ACER3: variants seen among roughly 807,000 people sequenced by gnomAD.
The protein encoded by ACER3 is alkCDase 3.
A neutral mutation model predicts 48.9 loss-of-function variants in ACER3; 16 were observed. That is an observed-to-expected ratio of 0.33 (90% CI 0.22 to 0.50). The LOEUF is 0.50. ACER3 is among the 20% of genes least tolerant of loss of function. The pLI is 0.98. For synonymous variants in ACER3, 109 were observed against 107.8 expected, an observed-to-expected ratio of 1.01 and a Z score of -0.07; for missense variants, 227 against 326.0, an observed-to-expected ratio of 0.70 and a Z score of 2.34.
intron 7 of ACER3, among the ~76,000 whole-genome samples, chr11:77,012,764 CT>C (rs1565228245): frequency 6.6e-6 from 1 of 152,100 alleles, no homozygotes; most frequent in Admixed American, 6.6e-5. Context: ...GTTCTGCAGG[CT>C]TTTTAGTAAA....
At chr11:76,997,976 T>C (rs1295367870) in intron 6 of ACER3, among the ~76,000 whole-genome samples, 2 of 152,172 alleles carry the variant, frequency 1.3e-5, no homozygotes. Flanking sequence ...AAAACAATGT[T>C]TATAATACAA....
chr11:76,868,315 C>A, intron 1 of ACER3: 1 of 1,255,906 alleles, frequency 8.0e-7, no homozygotes, highest in Non-Finnish European at 1.0e-6. Context: ...CATAAGTCAA[C>A]TGAAGAATGA....
chr11:77,020,566 A>G lies in ACER3; in HGVS notation c.*239A>G. The G allele has an allele frequency of 6.1e-6, 3 of 491,928 alleles. No homozygotes were observed. Among genetic ancestry groups the G allele is most frequent in the East Asian group, 3.6e-5 (1 of 28,120 alleles). 30.5% of individuals were successfully genotyped at this position (491,928 alleles called of 1,614,324 possible). ...TTCACGCTCCAGTTTATAAAGAAACAGAGATGATGTGTGTGTATGCCTCAA... is the reference window on the plus strand; with the variant it reads ...TTCACGCTCCAGTTTATAAAGAAACGGAGATGATGTGTGTGTATGCCTCAA... On this transcript the variant is annotated 3_prime_UTR_variant, in exon 11 of 11. Transcript: ENST00000532485.
At chr11:76,946,435 G>A (rs757768332) in intron 2 of ACER3, among the ~76,000 whole-genome samples, 1 of 152,030 alleles carries the variant, frequency 6.6e-6, no homozygotes, top group African/African-American at 2.4e-5. Context: ...GGAGAGCTTA[G>A]TTTCTCTGTC....
chr11:77,005,993 T>TATATATATATACATATATATATATA lies in ACER3; in HGVS notation c.497+7172_497+7173insATATATATATACATATATATATATA, dbSNP rs1565224912. Among the ~76,000 whole-genome samples the TATATATATATACATATATATATATA allele has an allele frequency of 6.8e-4, 60 of 87,918 alleles. 1 individual carries two copies. The highest frequency in any genetic ancestry group is 2.3e-3 in the South Asian group (6 of 2,666). The allele number at this position is 87,918 out of a possible 152,430, so 57.7% of individuals were successfully genotyped here. ...TATACATATATATATATATATATAT[T>TATATATATATACATATATATATATA]TTTTTTTTTTTTTGAGCCAGAGTTT... On this transcript the variant is annotated intron_variant, in intron 7 of 10. Transcript: ENST00000532485.
At chr11:76,970,583 C>T (rs1174257778) in intron 3 of ACER3, among the ~76,000 whole-genome samples, 1 of 151,886 alleles carries the variant, frequency 6.6e-6, no homozygotes, top group Non-Finnish European at 1.5e-5. Context: ...TATTGAGACA[C>T]TTAAAAAAAT....
intron 2 of ACER3, among the ~76,000 whole-genome samples, chr11:76,933,134 T>A (rs1008244005): frequency 1.4e-5 from 2 of 147,388 alleles, no homozygotes; most frequent in Admixed American, 6.8e-5. Flanking sequence ...CACATCAACC[T>A]CTTCTCCCTT....
At chr11:76,945,494 G>A (rs1312269009) in intron 2 of ACER3, among the ~76,000 whole-genome samples, 1 of 152,172 alleles carries the variant, frequency 6.6e-6, no homozygotes, top group African/African-American at 2.4e-5. Flanking sequence ...AGTGGTATCT[G>A]TTATTTCCTC....
chr11:76,935,156 G>A (rs1490834488), intron 2 of ACER3, among the ~76,000 whole-genome samples: 1 of 151,896 alleles, frequency 6.6e-6, no homozygotes, highest in East Asian at 1.9e-4. Flanking sequence ...TTTAATAGGG[G>A]CTGTTGTAGA....
At chr11:76,915,585 G>A (rs1946505977) in intron 1 of ACER3, among the ~76,000 whole-genome samples, 1 of 152,170 alleles carries the variant, frequency 6.6e-6, no homozygotes, top group African/African-American at 2.4e-5. Context: ...GTGGGTGGGG[G>A]GAGAGCCCTC....
chr11:76,928,031 G>A (rs55703321), intron 2 of ACER3, among the ~76,000 whole-genome samples: 3,557 of 152,144 alleles, frequency 0.023, 144 homozygotes, highest in African/African-American at 0.082. Context: ...TCAAGGAATC[G>A]CCACACTGTC....
intron 1 of ACER3, among the ~76,000 whole-genome samples, chr11:76,870,558 G>A (rs979906063): frequency 6.6e-6 from 1 of 152,138 alleles, no homozygotes; most frequent in African/African-American, 2.4e-5. Context: ...TGGAACTGCT[G>A]GACGATGTGG....
At chr11:76,894,654 T>C (rs1222862978) in intron 1 of ACER3, among the ~76,000 whole-genome samples, 1 of 152,222 alleles carries the variant, frequency 6.6e-6, no homozygotes, top group African/African-American at 2.4e-5. Context: ...GTAGAAGTTT[T>C]TGACAAGAAT....
At chr11:76,861,890 T>A (rs954039324) in intron 1 of ACER3, among the ~76,000 whole-genome samples, 1 of 152,342 alleles carries the variant, frequency 6.6e-6, no homozygotes. Context: ...CATTCTTCTT[T>A]AGCGGCTGCT....
At chr11:76,924,651 TGCTTTCC>T (rs1565179639) in intron 1 of ACER3, among the ~76,000 whole-genome samples, 2 of 152,150 alleles carry the variant, frequency 1.3e-5, no homozygotes, top group Non-Finnish European at 1.5e-5. Context: ...ATACCATCCC[TGCTTTCC>T]CCACTATATT....
At chr11:76,920,652 T>A (rs1293776311) in intron 1 of ACER3, among the ~76,000 whole-genome samples, 19 of 104,642 alleles carry the variant, frequency 1.8e-4, no homozygotes, top group African/African-American at 4.1e-4. Flanking sequence ...TTTTTTTTTT[T>A]AACAGACAGA....
At chr11:76,867,803 A>T (rs1020110456) in intron 1 of ACER3, among the ~76,000 whole-genome samples, 4 of 152,176 alleles carry the variant, frequency 2.6e-5, no homozygotes, top group African/African-American at 9.7e-5. Flanking sequence ...GTGATGTTGT[A>T]TGATCATCTT....
intron 2 of ACER3, chr11:76,957,716 T>TC (rs1176809154): frequency 5.5e-6 from 1 of 183,046 alleles, no homozygotes; most frequent in Non-Finnish European, 1.2e-5. Context: ...GTGCTGGGAT[T>TC]ACAGGTGTGA....
In ACER3 at chr11:77,023,324, G is replaced by A. The variant is rs1555024905; in HGVS notation, c.*2997G>A. The A allele has an allele frequency of 2.5e-6, 1 of 393,804 alleles. No homozygotes were observed. The allele number at this position is 393,804 out of a possible 1,614,324, so 24.4% of individuals were successfully genotyped here. A position where few individuals can be genotyped will look rare whatever the true frequency, so the allele number is the denominator to read the frequency against. ...AAGAGGGTTTTTCTTATAATAAGGAGAAGAGGTGTGGTTCAAAGAAAATTA... is the reference window on the plus strand; with the variant it reads ...AAGAGGGTTTTTCTTATAATAAGGAAAAGAGGTGTGGTTCAAAGAAAATTA... On this transcript the variant is annotated 3_prime_UTR_variant, in exon 11 of 11. Coordinates refer to ENST00000532485, the MANE Select transcript of ACER3 (RefSeq NM_018367.7).
Sources: allele counts gnomAD v4.1 joint callset (sites outside exome capture counted in the v4.1 genomes callset), GRCh38; gene constraint gnomAD v4.1.1; transcripts MANE v1.5; gene names NCBI Gene and HGNC (gene_info 2026-07-23, HGNC 2026-07-21).